The following FAM186B variants were observed in gnomAD, a reference collection of about 807,000 sequenced individuals.
FAM186B encodes the protein protein FAM186B.
FAM186B carries 68 observed loss-of-function variants against 83.4 expected under a neutral mutation model. The observed-to-expected ratio is 0.81, with a 90% CI of 0.67 to 1.00. The LOEUF is 1.00. FAM186B is among the 50% of genes least tolerant of loss of function. The pLI is 0.00. For missense variants in FAM186B, 983 were observed against 1,099.2 expected, an observed-to-expected ratio of 0.89 and a Z score of 1.49; for synonymous variants, 389 against 422.0, an observed-to-expected ratio of 0.92 and a Z score of 0.96.
At chr12:49,604,098 C>A in intron 2 of FAM186B, 1 of 554,284 alleles carries the variant, frequency 1.8e-6, no homozygotes, top group Non-Finnish European at 3.2e-6. Flanking sequence ...TCATAATGGA[C>A]CCGTGACTTA....
chr12:49,605,040 T>C (rs1407733850), intron 1 of FAM186B, among the ~76,000 whole-genome samples: 7 of 152,162 alleles, frequency 4.6e-5, no homozygotes, highest in African/African-American at 1.7e-4. Flanking sequence ...TGGGCTCAGC[T>C]TGGGGGATTC....
chr12:49,599,342 C>T (rs954412401), intron 4 of FAM186B, 127 bp downstream of exon 4: 12 of 1,383,812 alleles, frequency 8.7e-6, no homozygotes, highest in Non-Finnish European at 1.0e-5. Context: ...ACTCAGGAGA[C>T]CCTGTCCAGG....
chr12:49,618,544 T>C, the FAM186B span, among the ~76,000 whole-genome samples: 1 of 151,250 alleles, frequency 6.6e-6, no homozygotes, highest in Non-Finnish European at 1.5e-5. Flanking sequence ...GCAGAGATTA[T>C]GTAGAGAAAA....
rs1939819961 is a variant in FAM186B, at chr12:49,599,649, A to G, written c.1991T>C (p.Met664Thr). The G allele has an allele frequency of 6.2e-7, 1 of 1,606,776 alleles. No individual in the cohort carries two copies. Among genetic ancestry groups the G allele is most frequent in the Non-Finnish European group, 8.5e-7 (1 of 1,176,566 alleles). The change falls in exon 4 of 7, where the codon ATG becomes ACG. Residue 664 changes from methionine to threonine, a missense_variant. Physicochemically the swap from Met to Thr is moderately conservative, Grantham distance 81. Transcript: ENST00000257894. ...GTTCTTCCTCTGGGCCTCCATGTCC[A>G]TGTGGTACACCTTCTTCTTAATATT... The part of the protein sequence containing the change: ...PANIKKKVYH[M>T]DMEAQRKNLQ...
At chr12:49,582,929 G>A (rs1339061176), downstream of FAM186B, 1 of 433,800 alleles carries the variant, frequency 2.3e-6, no homozygotes, top group African/African-American at 2.0e-5. Context: ...TGGCTTCACA[G>A]CTTGGCCCGT....
downstream of FAM186B, among the ~76,000 whole-genome samples, chr12:49,586,894 A>G (rs1362877104): frequency 6.6e-6 from 1 of 152,172 alleles, no homozygotes; most frequent in Admixed American, 6.5e-5. Flanking sequence ...GGATGGGAGA[A>G]GCACCAGTAT....
intron 6 of FAM186B, 67 bp from the exon 7 acceptor site, chr12:49,587,819 AG>A: frequency 6.5e-7 from 1 of 1,532,334 alleles, no homozygotes; most frequent in East Asian, 2.3e-5. Flanking sequence ...GAGACTCTCC[AG>A]AGCCATCAGG....
In FAM186B at chr12:49,604,411, T is replaced by C; in HGVS notation, c.224A>G (p.Lys75Arg). Reference protein sequence around the residue: ...KSQQRDPKGKKRFILLEKIAS... With the variant: ...KSQQRDPKGKRRFILLEKIAS... ...AATTTTTTCCAGCAAGATGAATCTC[T>C]TCTTGCCCTTTGGATCTCTCTGCTG... The change falls in exon 2 of 7, where the codon AAG becomes AGG. Residue 75 changes from lysine (K) to arginine (R), a missense_variant. Transcript: ENST00000257894. 6.2e-7 allele frequency: 1 copy of C among 1,613,712 alleles called. No individual in the cohort carries two copies. The highest frequency in any genetic ancestry group is 1.1e-5 in the South Asian group (1 of 91,078).
At chr12:49,589,844 G>A (rs1469841174) in intron 5 of FAM186B, among the ~76,000 whole-genome samples, 1 of 151,878 alleles carries the variant, frequency 6.6e-6, no homozygotes, top group Non-Finnish European at 1.5e-5. Flanking sequence ...AGCTGGGTGT[G>A]GTGGCGTGCA....
Position 49,603,823 on chromosome 12 carries a change from A to C in FAM186B, c.323-456T>G, listed in dbSNP as rs534517051. Among the ~76,000 whole-genome samples, 55 of 152,220 alleles carry C rather than the reference A, an allele frequency of 3.6e-4. No individual in the cohort carries two copies. The South Asian group carries it at 0.011, about 31-fold the overall frequency. ...TGCAGGGGGCAGGGCACATACCAATACCATCTTCTTCCAACACTGGAGCAT... is the reference window on the plus strand; with the variant it reads ...TGCAGGGGGCAGGGCACATACCAATCCCATCTTCTTCCAACACTGGAGCAT... On this transcript the variant is annotated intron_variant, in intron 2 of 6. Transcript: ENST00000257894.
chr12:49,598,510 A>G (rs1214093419), intron 5 of FAM186B, among the ~76,000 whole-genome samples: 1 of 151,900 alleles, frequency 6.6e-6, no homozygotes, highest in South Asian at 2.1e-4. Context: ...TTGAAGAGAC[A>G]TCTCTCTCTC....
At chr12:49,609,111 G>C (rs929951864), upstream of FAM186B, among the ~76,000 whole-genome samples, 1 of 152,306 alleles carries the variant, frequency 6.6e-6, no homozygotes, top group South Asian at 2.1e-4. Flanking sequence ...CTGGCAATGT[G>C]CTCTTCCCTG....
chr12:49,605,426 T>C lies in FAM186B; in HGVS notation c.52A>G (p.Ile18Val), dbSNP rs1263873435. ...QLVTPTSVKA[I>V]ILRIEAAQLT... ...TGGGCAGCCTCAATCCTCAGGATGA[T>C]GGCTTTCACTGATGTGGGAGTCACC... The change falls in exon 1 of 7, where the codon ATC (isoleucine) becomes GTC (valine). Residue 18 changes from isoleucine (I) to valine (V), a missense_variant. Coordinates refer to ENST00000257894, the MANE Select transcript of FAM186B (RefSeq NM_032130.3). 1 of 1,613,912 alleles carries C rather than the reference T, an allele frequency of 6.2e-7. No individual in the cohort carries two copies. Among genetic ancestry groups the C allele is most frequent in the East Asian group, 2.2e-5 (1 of 44,874 alleles).
chr12:49,583,514 T>TGG, downstream of FAM186B: 1 of 168,334 alleles, frequency 5.9e-6, no homozygotes, highest in Non-Finnish European at 1.3e-5. Flanking sequence ...AGCTGTGCTG[T>TGG]GCATGTGTCC....
At chr12:49,584,548 T>A, downstream of FAM186B, 1 of 702,408 alleles carries the variant, frequency 1.4e-6, no homozygotes, top group South Asian at 1.5e-5. Context: ...CGCTTGACTT[T>A]TTTTGAACAA....
chr12:49,607,938 G>A (rs1940052175), upstream of FAM186B, among the ~76,000 whole-genome samples: 1 of 151,808 alleles, frequency 6.6e-6, no homozygotes, highest in South Asian at 2.1e-4. Context: ...GACCCCAGGT[G>A]ATCCACCCAC....
At chr12:49,619,665 C>CTT in the FAM186B span, 45 of 222,004 alleles carry the variant, frequency 2.0e-4, no homozygotes, top group South Asian at 4.0e-4. Context: ...AGTTAGACAT[C>CTT]TCTTTTTTTT....
rs1297045698 is a variant in FAM186B, at chr12:49,605,389, G to A, written c.89C>T (p.Ala30Val). The A allele has an allele frequency of 1.2e-6, 2 of 1,612,702 alleles. No homozygotes were observed. Among genetic ancestry groups the A allele is most frequent in the Non-Finnish European group, 1.7e-6 (2 of 1,179,508 alleles). The change falls in exon 1 of 7, where the codon GCT becomes GTT. Residue 30 changes from alanine to valine, a missense_variant. Transcript: ENST00000257894. ...LRIEAAQLTR[A>V]QEDISTQLSD... ...CTTCATCTCAGGGGCTACCTCTTGA[G>A]CCCGAGTTAGCTGGGCAGCCTCAAT...
chr12:49,593,337 T>G (rs1054845342), intron 5 of FAM186B: 10 of 152,118 alleles, frequency 6.6e-5, no homozygotes, highest in Admixed American at 2.0e-4. Context: ...GCAAGGAATA[T>G]AATTAGAAAC....
Sources: allele counts gnomAD v4.1 joint callset (sites outside exome capture counted in the v4.1 genomes callset), GRCh38; gene constraint gnomAD v4.1.1; transcripts MANE v1.5; gene names NCBI Gene and HGNC (gene_info 2026-07-23, HGNC 2026-07-21).